POLA1: variants seen among roughly 807,000 people sequenced by gnomAD.
POLA1 encodes the protein DNA polymerase alpha 1, catalytic subunit.
POLA1 carries 15 observed loss-of-function variants against 124.0 expected under a neutral mutation model. That is an observed-to-expected ratio of 0.12 (90% CI 0.08 to 0.19). The LOEUF is 0.19. Ranked by LOEUF, POLA1 falls within the 10% of genes least tolerant of loss-of-function variation. POLA1 has a pLI of 1.00. For synonymous variants in POLA1, 408 were observed against 389.4 expected, an observed-to-expected ratio of 1.05 and a Z score of -0.56; for missense variants, 886 against 1,103.4, an observed-to-expected ratio of 0.80 and a Z score of 2.79.
At chrX:24,696,690 T>C (rs915341637) in intron 1 of POLA1, among the ~76,000 whole-genome samples, 1 of 111,540 alleles carries the variant, frequency 9.0e-6, no homozygotes, top group Admixed American at 9.6e-5. Flanking sequence ...ACAAACAGTT[T>C]CAGATGCTAG....
intron 35 of POLA1, among the ~76,000 whole-genome samples, chrX:24,904,021 A>G (rs1288986713): frequency 1.9e-5 from 2 of 106,706 alleles, no homozygotes; most frequent in African/African-American, 6.9e-5. Flanking sequence ...TGCAGCCTCA[A>G]TCTCCTGGGC....
chrX:24,882,861 A>G (rs1264048934), intron 34 of POLA1, among the ~76,000 whole-genome samples: 1 of 111,286 alleles, frequency 9.0e-6, no homozygotes, highest in African/African-American at 3.3e-5. Flanking sequence ...CTTTGGGTAT[A>G]TACTCAGTAA....
chrX:24,732,714 T>G (rs1008789909), intron 16 of POLA1, among the ~76,000 whole-genome samples: 1 of 109,399 alleles, frequency 9.1e-6, no homozygotes, highest in Non-Finnish European at 1.9e-5. Flanking sequence ...ATCTTTTTTT[T>G]GTTTCAATGG....
chrX:24,853,914 G>A (rs1425066284), intron 34 of POLA1, among the ~76,000 whole-genome samples: 1 of 112,159 alleles, frequency 8.9e-6, no homozygotes, highest in African/African-American at 3.2e-5. Context: ...ATATTTAAAG[G>A]TTGCAATTTA....
intron 35 of POLA1, among the ~76,000 whole-genome samples, chrX:24,920,966 C>G (rs1401997865): frequency 8.9e-6 from 1 of 112,025 alleles, no homozygotes; most frequent in African/African-American, 3.2e-5. Flanking sequence ...GCCGCCTTCT[C>G]GATTCTAGCT....
At chrX:24,856,839 A>ATTTTT (rs547364341) in intron 34 of POLA1, among the ~76,000 whole-genome samples, 4 of 102,881 alleles carry the variant, frequency 3.9e-5, no homozygotes, top group African/African-American at 1.1e-4. Context: ...AAAAAATTGG[A>ATTTTT]TTTTTTTTTT....
chrX:24,919,820 G>GTTTTTTTTTTTTTTTTTTTTT (rs1324232190), intron 35 of POLA1, among the ~76,000 whole-genome samples: 2 of 29,592 alleles, frequency 6.8e-5, no homozygotes, highest in African/African-American at 1.2e-4. Context: ...TTTTTTTTTT[G>GTTTTTTTTTTTTTTTTTTTTT]TTTTTTTTTT....
At chrX:24,735,594 A>G (rs1050705811) in intron 18 of POLA1, 106 bp downstream of exon 18, 17 of 485,711 alleles carry the variant, frequency 3.5e-5, no homozygotes, top group Non-Finnish European at 5.4e-5. Context: ...TTCAGAGTAA[A>G]ATGATCCTGT....
At chrX:24,864,739 T>C (rs1206067859) in intron 34 of POLA1, among the ~76,000 whole-genome samples, 3 of 110,918 alleles carry the variant, frequency 2.7e-5, no homozygotes, top group South Asian at 3.8e-4. Context: ...TTTTTTTTTT[T>C]CCTCTGAATC....
chrX:24,710,961 C>T (rs1406763448), intron 4 of POLA1, among the ~76,000 whole-genome samples: 2 of 110,580 alleles, frequency 1.8e-5, no homozygotes, highest in Non-Finnish European at 3.8e-5. Context: ...ACCGCGCTGG[C>T]ATGTATATGT....
chrX:24,861,061 A>G (rs1295060820), intron 34 of POLA1, among the ~76,000 whole-genome samples: 1 of 111,108 alleles, frequency 9.0e-6, no homozygotes, highest in African/African-American at 3.3e-5. Flanking sequence ...TTGATGTAAA[A>G]CCCCTGAAAC....
At chrX:24,981,238 C>G (rs889463965) in intron 36 of POLA1, among the ~76,000 whole-genome samples, 1 of 112,387 alleles carries the variant, frequency 8.9e-6, no homozygotes, top group African/African-American at 3.2e-5. Context: ...TGAGAGGCTG[C>G]AGGGCAGGTG....
Position 24,716,427 on chromosome X carries a change from G to A in POLA1, c.591G>A (p.Pro197=), listed in dbSNP as rs781170138. ...AGAAAAGATCCATTGGAGCTTCACC[G>A]AATCCTTTCTCTGTGCACACCGCCA... The part of the protein sequence containing the change: ...LKKKRSIGAS[P]NPFSVHTATA... The change falls in exon 7 of 37, where the codon CCG becomes CCA. Residue 197 remains proline (P), a synonymous_variant. Transcript: ENST00000379068. 5 of 1,162,018 alleles carry A rather than the reference G, an allele frequency of 4.3e-6. No individual in the cohort carries two copies. Among genetic ancestry groups the A allele is most frequent in the East Asian group, 3.0e-5 (1 of 33,616 alleles).
chrX:24,856,393 C>T (rs1254977892), intron 34 of POLA1, among the ~76,000 whole-genome samples: 4 of 112,076 alleles, frequency 3.6e-5, no homozygotes, highest in Non-Finnish European at 7.5e-5. Flanking sequence ...TCCATTTACT[C>T]ACTGAAGGAT....
At chrX:24,868,397 G>A (rs1009872425) in intron 34 of POLA1, among the ~76,000 whole-genome samples, 1 of 111,661 alleles carries the variant, frequency 9.0e-6, no homozygotes, top group Admixed American at 9.5e-5. Context: ...TAAACTGCTC[G>A]GGTAGCCAGA....
intron 12 of POLA1, 84 bp from the exon 13 acceptor site, chrX:24,725,896 AT>A: frequency 1.7e-6 from 1 of 591,497 alleles, no homozygotes; most frequent in South Asian, 3.0e-5. Context: ...ATTCTTGATG[AT>A]TAAATACAAG....
intron 36 of POLA1, among the ~76,000 whole-genome samples, chrX:24,974,044 A>G (rs2048336081): frequency 9.1e-6 from 1 of 109,296 alleles, no homozygotes; most frequent in Admixed American, 9.7e-5. Flanking sequence ...ATAGTCACTT[A>G]TCAATTAAAT....
At chrX:24,982,724 CTT>C (rs1024951815) in intron 36 of POLA1, among the ~76,000 whole-genome samples, 4 of 110,099 alleles carry the variant, frequency 3.6e-5, no homozygotes, top group African/African-American at 1.3e-4. Flanking sequence ...TGGAATTTAT[CTT>C]CTCTCCATCT....
intron 1 of POLA1, among the ~76,000 whole-genome samples, chrX:24,697,725 G>C (rs1334564086): frequency 1.8e-5 from 2 of 111,172 alleles, no homozygotes; most frequent in African/African-American, 3.3e-5. Flanking sequence ...GAACATTCTA[G>C]TGGGGTTGGA....
Sources: gnomAD v4.1 joint callset for allele counts (sites outside exome capture counted in the v4.1 genomes callset) on GRCh38, gnomAD v4.1.1 for gene constraint, MANE v1.5 for transcripts, NCBI Gene and HGNC (gene_info 2026-07-23, HGNC 2026-07-21) for gene names.